PACSIN2: variants seen among roughly 807,000 people sequenced by gnomAD.
PACSIN2 encodes protein kinase C and casein kinase substrate in neurons 2, also known as protein kinase C and casein kinase substrate in neurons protein 2.
Under a neutral mutation model 63.8 loss-of-function variants are expected in PACSIN2, and 25 were observed. The ratio of observed to expected loss-of-function variants is 0.39; its 90% confidence interval spans 0.29 to 0.55. The LOEUF is 0.55. PACSIN2 is among the 20% of genes least tolerant of loss of function. The pLI is 0.62. For missense variants in PACSIN2, 518 were observed against 646.9 expected, an observed-to-expected ratio of 0.80 and a Z score of 2.16; for synonymous variants, 255 against 256.2, an observed-to-expected ratio of 1.00 and a Z score of 0.05.
At chr22:42,978,037 T>C (rs1047643379) in intron 1 of PACSIN2, among the ~76,000 whole-genome samples, 1 of 152,206 alleles carries the variant, frequency 6.6e-6, no homozygotes, top group South Asian at 2.1e-4. Context: ...ACATAACTAC[T>C]AAAAACTACT....
At chr22:42,901,047 C>T (rs1930649855) in intron 2 of PACSIN2, among the ~76,000 whole-genome samples, 2 of 152,186 alleles carry the variant, frequency 1.3e-5, no homozygotes, top group East Asian at 1.9e-4. Context: ...TCCCAGGAAC[C>T]CCAAGCCTGT....
intron 1 of PACSIN2, among the ~76,000 whole-genome samples, chr22:43,012,154 AATACATACATAC>A (rs71311476): frequency 0.051 from 6,773 of 133,930 alleles, 397 homozygotes; most frequent in African/African-American, 0.15. Flanking sequence ...AAAATAAATA[AATACATACATAC>A]ATACATACAT....
At chr22:42,883,658 G>A (rs1929240338) in intron 6 of PACSIN2, among the ~76,000 whole-genome samples, 1 of 152,214 alleles carries the variant, frequency 6.6e-6, no homozygotes, top group Non-Finnish European at 1.5e-5. Context: ...AAGAAAGACT[G>A]TCCCAGGCAC....
chr22:42,970,535 G>A (rs979493467), intron 1 of PACSIN2, among the ~76,000 whole-genome samples: 5 of 152,120 alleles, frequency 3.3e-5, no homozygotes, highest in African/African-American at 1.2e-4. Flanking sequence ...AGGTAGACAG[G>A]AACTCTATTA....
At chr22:42,964,137 G>A (rs1920934356) in intron 1 of PACSIN2, among the ~76,000 whole-genome samples, 1 of 152,182 alleles carries the variant, frequency 6.6e-6, no homozygotes, top group African/African-American at 2.4e-5. Context: ...GTGATTCTTG[G>A]CTGGGCACGG....
Position 42,892,356 on chromosome 22 carries a change from C to T in PACSIN2, c.217+1101G>A, listed in dbSNP as rs186960648. On this transcript the variant is annotated intron_variant, in intron 3 of 10. Coordinates refer to ENST00000263246, the MANE Select transcript of PACSIN2 (RefSeq NM_001184970.3). ...GGCTGTGAGAACCCAGAGGGGGACA[C>T]GTGACTCTGGGGCTTGGAGACAACA... Among the ~76,000 whole-genome samples the T allele has an allele frequency of 7.2e-5, 11 of 152,220 alleles. No homozygotes were observed. In the East Asian group the frequency reaches 1.4e-3, roughly 19 times the overall value.
chr22:42,971,665 G>A (rs1004635356), intron 1 of PACSIN2, among the ~76,000 whole-genome samples: 2 of 149,248 alleles, frequency 1.3e-5, no homozygotes, highest in African/African-American at 4.9e-5. Flanking sequence ...GCCGCCCATC[G>A]TCTGAGAAGT....
At chr22:42,880,644 A>G (rs1929001637) in intron 7 of PACSIN2, 1 of 152,204 alleles carries the variant, frequency 6.6e-6, no homozygotes, top group Non-Finnish European at 1.5e-5. Context: ...AAAAATAAAA[A>G]CAAAGAATTG....
chr22:42,877,817 G>A (rs1412001496), intron 8 of PACSIN2, among the ~76,000 whole-genome samples: 2 of 152,178 alleles, frequency 1.3e-5, no homozygotes, highest in Non-Finnish European at 2.9e-5. Flanking sequence ...GGGCTACCCT[G>A]GCCAGCAGCA....
chr22:42,936,846 G>C (rs1057458100), intron 1 of PACSIN2, among the ~76,000 whole-genome samples: 2 of 149,688 alleles, frequency 1.3e-5, no homozygotes, highest in Non-Finnish European at 3.0e-5. Context: ...GCGAGACGGA[G>C]GTTGCAGTGA....
intron 1 of PACSIN2, among the ~76,000 whole-genome samples, chr22:42,986,593 T>C (rs1208451476): frequency 2.6e-5 from 4 of 151,984 alleles, no homozygotes; most frequent in African/African-American, 7.2e-5. Context: ...GACACTCTAA[T>C]GGGGGGTGAA....
At position 42,923,807 on chromosome 22, in the gene PACSIN2, C is replaced by T. The variant is rs546087225; in HGVS notation, c.-77-11650G>A. 2.6e-5 allele frequency among the ~76,000 whole-genome samples: 4 copies of T among 152,160 alleles called. No individual in the cohort carries two copies. The East Asian group carries it at 5.8e-4, about 22-fold the overall frequency. ...ATCCTAGCACTTTGAGAAGCTGAGGCGGGAGGTCTGCTTGAAGCCAGGAAT... is the reference window on the plus strand; with the variant it reads ...ATCCTAGCACTTTGAGAAGCTGAGGTGGGAGGTCTGCTTGAAGCCAGGAAT... On this transcript the variant is annotated intron_variant, in intron 1 of 10. Coordinates refer to ENST00000263246, the MANE Select transcript of PACSIN2 (RefSeq NM_001184970.3).
At chr22:42,888,484 G>A (rs1253967258) in intron 5 of PACSIN2, among the ~76,000 whole-genome samples, 159 bp downstream of exon 5, 3 of 152,170 alleles carry the variant, frequency 2.0e-5, no homozygotes, top group Non-Finnish European at 4.4e-5. Flanking sequence ...AGGTGCTAGG[G>A]CACTCACCTG....
intron 1 of PACSIN2, among the ~76,000 whole-genome samples, chr22:42,962,951 A>C (rs184365103): frequency 1.2e-3 from 179 of 152,242 alleles, no homozygotes; most frequent in African/African-American, 4.2e-3. Flanking sequence ...AGAAGACAAG[A>C]CTGACTCAGG....
intron 7 of PACSIN2, among the ~76,000 whole-genome samples, chr22:42,879,937 C>G (rs967799643): frequency 6.6e-6 from 1 of 152,170 alleles, no homozygotes; most frequent in Non-Finnish European, 1.5e-5. Context: ...AGAGTACGCT[C>G]CTCCTGGAAG....
intron 5 of PACSIN2, among the ~76,000 whole-genome samples, chr22:42,885,597 C>T (rs1214324469): frequency 3.3e-5 from 5 of 152,006 alleles, no homozygotes; most frequent in Admixed American, 6.5e-5. Context: ...CCTGCCCATG[C>T]GGCTCCCCTC....
intron 4 of PACSIN2, among the ~76,000 whole-genome samples, chr22:42,889,017 GAACACAGCAAGA>G (rs926515165): frequency 6.6e-6 from 1 of 152,204 alleles, no homozygotes; most frequent in Non-Finnish European, 1.5e-5. Context: ...GAGGCACCAG[GAACACAGCAAGA>G]AACACAAGGT....
intron 1 of PACSIN2, among the ~76,000 whole-genome samples, chr22:42,971,422 T>C (rs1921259618): frequency 6.6e-6 from 1 of 152,188 alleles, no homozygotes; most frequent in Non-Finnish European, 1.5e-5. Context: ...AGTGGCGTGA[T>C]CTCGGCTCGC....
chr22:42,873,206 T>G (rs1569200091), intron 10 of PACSIN2, among the ~76,000 whole-genome samples: 1 of 152,234 alleles, frequency 6.6e-6, no homozygotes, highest in South Asian at 2.1e-4. Flanking sequence ...GACAATTTAC[T>G]TGGATCTGGA....
Sources: allele counts gnomAD v4.1 joint callset (sites outside exome capture counted in the v4.1 genomes callset), GRCh38; gene constraint gnomAD v4.1.1; transcripts MANE v1.5; gene names NCBI Gene and HGNC (gene_info 2026-07-23, HGNC 2026-07-21).